Variants in POU2F3 observed in about 807,000 individuals in gnomAD.
The protein encoded by POU2F3 is POU domain, class 2, transcription factor 3.
POU2F3 carries 23 observed loss-of-function variants against 59.2 expected under a neutral mutation model. The observed-to-expected ratio is 0.39, with a 90% CI of 0.28 to 0.55. POU2F3 has a LOEUF of 0.55. Among genes scored for constraint, POU2F3 ranks in the 20% least tolerant of loss-of-function variants. POU2F3 has a pLI of 0.66. For synonymous variants in POU2F3, 190 were observed against 214.6 expected (o/e 0.89, Z 1.00); for missense variants, 473 against 544.5 (o/e 0.87, Z 1.31).
intron 2 of POU2F3, among the ~76,000 whole-genome samples, chr11:120,261,946 A>T (rs143147219): frequency 6.2e-4 from 94 of 152,328 alleles, no homozygotes; most frequent in African/African-American, 2.1e-3. Flanking sequence ...GTGACGCTGC[A>T]GGTTTCACTG....
Position 120,307,482 on chromosome 11 carries a change from C to A in POU2F3, c.773C>A (p.Ser258Tyr). ...LLEKWLNDAE[S>Y]SPSDPSVSTP... ...CTGGTCCTTCGTGTCCCTGCAGAGT[C>A]CTCTCCGTCAGACCCCTCAGTGAGC... The change falls in exon 9 of 13, where the codon TCC becomes TAC. Residue 258 changes from serine to tyrosine, a missense_variant. Coordinates refer to ENST00000543440, the MANE Select transcript of POU2F3 (RefSeq NM_014352.4). 6.2e-7 allele frequency: 1 copy of A among 1,614,102 alleles called. No homozygotes were observed. The highest frequency in any genetic ancestry group is 1.3e-5 in the African/African-American group (1 of 75,054).
intron 9 of POU2F3, among the ~76,000 whole-genome samples, chr11:120,308,633 G>A (rs1429784196): frequency 2.0e-5 from 3 of 152,022 alleles, no homozygotes; most frequent in East Asian, 1.9e-4. Flanking sequence ...TGAGACAGGA[G>A]GACAGGAAGA....
chr11:120,306,666 C>T (rs1941499974), intron 8 of POU2F3, among the ~76,000 whole-genome samples: 1 of 152,100 alleles, frequency 6.6e-6, no homozygotes, highest in African/African-American at 2.4e-5. Flanking sequence ...AGCCAGTCTC[C>T]AGGGCTGGGC....
At chr11:120,290,609 T>C (rs1221016541) in intron 3 of POU2F3, among the ~76,000 whole-genome samples, 2 of 152,254 alleles carry the variant, frequency 1.3e-5, no homozygotes, top group Non-Finnish European at 2.9e-5. Context: ...TTAAATTCTC[T>C]GAGCCTTGGT....
chr11:120,257,311 C>T (rs1298819725), intron 2 of POU2F3, among the ~76,000 whole-genome samples: 3 of 152,162 alleles, frequency 2.0e-5, no homozygotes, highest in Non-Finnish European at 4.4e-5. Context: ...GAAACAGGTC[C>T]TCTGTCCTTT....
intron 10 of POU2F3, among the ~76,000 whole-genome samples, chr11:120,314,683 T>C (rs1012926925): frequency 5.9e-5 from 9 of 152,190 alleles, no homozygotes; most frequent in African/African-American, 1.4e-4. Flanking sequence ...TTCTATTACA[T>C]CTTGTTCTAC....
At chr11:120,297,144 A>G (rs1328547115) in intron 3 of POU2F3, among the ~76,000 whole-genome samples, 1 of 152,192 alleles carries the variant, frequency 6.6e-6, no homozygotes, top group Non-Finnish European at 1.5e-5. Flanking sequence ...TCTTATAAGT[A>G]TGGTCTAGAG....
rs1277464830 is a variant in POU2F3, at chr11:120,305,356, A to G, written c.627+144A>G. ...TCCCTGAGTTCTCTGAGAATAGGGC[A>G]CAGTTGCCATTGGTAGGGAAACTGA... On this transcript the variant is annotated intron_variant, in intron 7 of 12. Transcript: ENST00000543440. 6.9e-6 allele frequency: 7 copies of G among 1,019,548 alleles called. No individual in the cohort carries two copies. The African/African-American group carries it at 9.7e-5, about 14-fold the overall frequency. 63.2% of individuals were successfully genotyped at this position (1,019,548 alleles called of 1,614,324 possible).
intron 1 of POU2F3, among the ~76,000 whole-genome samples, chr11:120,246,133 C>T (rs373352439): frequency 6.6e-6 from 1 of 152,102 alleles, no homozygotes; most frequent in Non-Finnish European, 1.5e-5. Context: ...CCCTCCACCC[C>T]CTTGTTAAAT....
intron 10 of POU2F3, among the ~76,000 whole-genome samples, chr11:120,311,208 C>T (rs1360024704): frequency 2.0e-5 from 3 of 152,152 alleles, no homozygotes; most frequent in African/African-American, 4.8e-5. Context: ...TGCTAAGGAA[C>T]TGAAGGTTTG....
intron 5 of POU2F3, among the ~76,000 whole-genome samples, chr11:120,300,681 C>T (rs866459595): frequency 3.3e-5 from 5 of 151,942 alleles, no homozygotes; most frequent in African/African-American, 4.8e-5. Flanking sequence ...AGAAAATCAC[C>T]GGAACCTGGG....
chr11:120,269,961 C>A (rs1939992243), intron 3 of POU2F3, among the ~76,000 whole-genome samples: 1 of 151,886 alleles, frequency 6.6e-6, no homozygotes, highest in Admixed American at 6.6e-5. Flanking sequence ...ATGTCAGAAG[C>A]AGATGGCGGG....
chr11:120,314,717 AG>A (rs1422401225), intron 10 of POU2F3, among the ~76,000 whole-genome samples: 3 of 152,150 alleles, frequency 2.0e-5, no homozygotes, highest in African/African-American at 4.8e-5. Flanking sequence ...AGTAACAGTG[AG>A]GGGGAGGTTC....
chr11:120,318,504 AC>A lies in POU2F3; in HGVS notation c.*113del. The A allele has an allele frequency of 9.1e-7, 1 of 1,098,562 alleles. No individual in the cohort carries two copies. The highest frequency in any genetic ancestry group is 2.4e-5 in the East Asian group (1 of 42,382). 68.1% of individuals were successfully genotyped at this position (1,098,562 alleles called of 1,614,324 possible). A position where few individuals can be genotyped will look rare whatever the true frequency, so the allele number is the denominator to read the frequency against. ...TTCAGAAGAGTGGAAGAAAATCTCC[AC>A]TATCAATGAACCCAGACTCTTGTCT... On this transcript the variant is annotated 3_prime_UTR_variant, in exon 13 of 13. Transcript: ENST00000543440.
chr11:120,301,191 A>G (rs1941337371), intron 5 of POU2F3: 2 of 422,686 alleles, frequency 4.7e-6, no homozygotes, highest in Non-Finnish European at 4.8e-6. Context: ...TGTTTTGGGG[A>G]AAGTTACCTA....
chr11:120,255,376 G>C (rs562631610), intron 2 of POU2F3, among the ~76,000 whole-genome samples: 1 of 152,250 alleles, frequency 6.6e-6, no homozygotes, highest in Non-Finnish European at 1.5e-5. Flanking sequence ...AGCCCAGAGA[G>C]GTGCGGAAAG....
At chr11:120,295,926 C>T (rs1375545227) in intron 3 of POU2F3, among the ~76,000 whole-genome samples, 3 of 152,176 alleles carry the variant, frequency 2.0e-5, no homozygotes, top group Non-Finnish European at 2.9e-5. Context: ...CTGAAACAGC[C>T]ATCTTCTTAC....
chr11:120,295,359 C>T (rs1327751622), intron 3 of POU2F3, among the ~76,000 whole-genome samples: 1 of 152,194 alleles, frequency 6.6e-6, no homozygotes, highest in East Asian at 1.9e-4. Flanking sequence ...GGCCAAGCTG[C>T]CAGAGGCTGT....
chr11:120,267,133 CT>C (rs539220664), intron 2 of POU2F3, among the ~76,000 whole-genome samples: 341 of 142,342 alleles, frequency 2.4e-3, no homozygotes, highest in Middle Eastern at 7.5e-3. Context: ...TAGCAGATCT[CT>C]TTTTTTTTTT....
Sources: allele counts gnomAD v4.1 joint callset (sites outside exome capture counted in the v4.1 genomes callset), GRCh38; gene constraint gnomAD v4.1.1; transcripts MANE v1.5; gene names NCBI Gene and HGNC (gene_info 2026-07-23, HGNC 2026-07-21).